The following BAG4 variants were observed in gnomAD, a reference collection of about 807,000 sequenced individuals.
BAG4 encodes BAG family molecular chaperone regulator 4.
A neutral mutation model predicts 52.1 loss-of-function variants in BAG4; 28 were observed. The ratio of observed to expected loss-of-function variants is 0.54; its 90% confidence interval spans 0.40 to 0.74. BAG4 has a LOEUF of 0.74. Ranked by LOEUF, BAG4 falls within the 30% of genes least tolerant of loss-of-function variation. The pLI, the probability that BAG4 is intolerant of heterozygous loss-of-function variation, is 0.00. For missense variants in BAG4, 525 were observed against 572.0 expected, an observed-to-expected ratio of 0.92 and a Z score of 0.84; for synonymous variants, 208 against 217.0, an observed-to-expected ratio of 0.96 and a Z score of 0.37.
Position 38,210,370 on chromosome 8 carries a change from C to T in BAG4, c.1251C>T (p.Thr417=). The T allele has an allele frequency of 1.2e-6, 2 of 1,614,068 alleles. No individual in the cohort carries two copies. Among genetic ancestry groups the T allele is most frequent in the Non-Finnish European group, 1.7e-6 (2 of 1,180,012 alleles). The change falls in exon 5 of 5, where the codon ACC becomes ACT. Residue 417 remains threonine, a synonymous_variant. Coordinates refer to ENST00000287322, the MANE Select transcript of BAG4 (RefSeq NM_004874.4). ...ACTGGCTTCTGGAAGAAATGCTAAC[C>T]AAGGAACTTTTGGAACTGGATTCAG... is the stretch of plus-strand genomic sequence containing the variant. ...KAYWLLEEML[T]KELLELDSVE...
In BAG4 at chr8:38,179,778, T is replaced by G. The variant is rs143295559; in HGVS notation, c.270+2639T>G. Among the ~76,000 whole-genome samples the G allele has an allele frequency of 1.2e-4, 18 of 150,254 alleles. No individual in the cohort carries two copies. The South Asian group carries it at 1.5e-3, about 12-fold the overall frequency. ...CGAAACTCCATCTCAAAAAAAAAAA[T>G]AAAGAAAGAAAGATCCATATTTTCT... is the stretch of plus-strand genomic sequence containing the variant. On this transcript the variant is annotated intron_variant, in intron 1 of 4. Coordinates refer to ENST00000287322, the MANE Select transcript of BAG4 (RefSeq NM_004874.4).
intron 1 of BAG4, among the ~76,000 whole-genome samples, chr8:38,186,486 T>G (rs532783993): frequency 1.3e-5 from 2 of 152,128 alleles, no homozygotes; most frequent in South Asian, 2.1e-4. Context: ...TCAAAAAAAC[T>G]GCGGAGGTTG....
chr8:38,196,834 T>G (rs541387086), intron 2 of BAG4, among the ~76,000 whole-genome samples: 2 of 152,262 alleles, frequency 1.3e-5, no homozygotes, highest in Non-Finnish European at 2.9e-5. Flanking sequence ...CCCAGCACTT[T>G]GGGAGGCCAA....
intron 2 of BAG4, among the ~76,000 whole-genome samples, chr8:38,194,409 C>CTTTTTTTTTT (rs750931003): frequency 1.3e-5 from 1 of 78,618 alleles, no homozygotes; most frequent in Non-Finnish European, 2.4e-5. Context: ...TAGGTGTGTA[C>CTTTTTTTTTT]TTTTTTTTTT....
At chr8:38,178,085 A>G (rs1803196878) in intron 1 of BAG4, among the ~76,000 whole-genome samples, 1 of 152,186 alleles carries the variant, frequency 6.6e-6, no homozygotes, top group African/African-American at 2.4e-5. Flanking sequence ...ACGTATGTTC[A>G]CATAAAGCTT....
At chr8:38,192,899 C>G (rs1324126253) in intron 2 of BAG4, 104 bp downstream of exon 2, 22 of 815,360 alleles carry the variant, frequency 2.7e-5, no homozygotes, top group Non-Finnish European at 3.5e-5. Flanking sequence ...TGTTTTTTTT[C>G]TTTGCTTTAA....
chr8:38,193,945 G>C (rs888741364), intron 2 of BAG4, among the ~76,000 whole-genome samples: 4 of 152,134 alleles, frequency 2.6e-5, no homozygotes, highest in Non-Finnish European at 5.9e-5. Context: ...CACCATGTTG[G>C]CCAGTATGGT....
Position 38,210,075 on chromosome 8 carries a change from A to C in BAG4, c.956A>C (p.His319Pro). The C allele has an allele frequency of 6.2e-7, 1 of 1,614,202 alleles. No homozygotes were observed. The highest frequency in any genetic ancestry group is 8.5e-7 in the Non-Finnish European group (1 of 1,180,042). ...CGGCACAACTTTCCTTGCAGTGTCC[A>C]TCAGTACGAATCCTCGGGGACAGTG... ...MNRHNFPCSVHQYESSGTVNN... is the reference protein window; with the variant it reads ...MNRHNFPCSVPQYESSGTVNN... Residue 319 changes from histidine (H) to proline (P), a missense_variant, in exon 5 of 5, where the codon CAT becomes CCT. By Grantham distance (77) the His-to-Pro change is moderately conservative. Coordinates refer to ENST00000287322, the MANE Select transcript of BAG4 (RefSeq NM_004874.4).
At chr8:38,184,327 TGTG>T (rs1803325793) in intron 1 of BAG4, among the ~76,000 whole-genome samples, 1 of 151,564 alleles carries the variant, frequency 6.6e-6, no homozygotes, top group Admixed American at 6.6e-5. Flanking sequence ...ATTAGCCAAA[TGTG>T]GTGGTGGGCC....
chr8:38,192,680 T>C lies in BAG4; in HGVS notation c.271-8T>C, dbSNP rs772816019. The C allele has an allele frequency of 4.9e-5, 78 of 1,592,912 alleles. No homozygotes were observed. The highest frequency in any genetic ancestry group is 6.6e-5 in the Non-Finnish European group (77 of 1,169,946). ...TTAAGAGTGAATTTATTTTTCTTTT[T>C]TTCTTAGGAGCAGCCACCATATCCT... is the stretch of plus-strand genomic sequence containing the variant. On this transcript the variant is annotated splice_polypyrimidine_tract_variant and splice_region_variant and intron_variant, in intron 1 of 4. Transcript: ENST00000287322.
chr8:38,188,705 A>G (rs1203441105), intron 1 of BAG4, among the ~76,000 whole-genome samples: 12 of 115,010 alleles, frequency 1.0e-4, no homozygotes, highest in South Asian at 2.9e-4. Flanking sequence ...ATACATATAT[A>G]TGTATATATA....
At chr8:38,209,440 CTTTATA>C (rs972152440) in intron 4 of BAG4, 173 bp downstream of exon 4, 13 of 751,676 alleles carry the variant, frequency 1.7e-5, no homozygotes, top group East Asian at 1.2e-4. Flanking sequence ...TTTTAATAGA[CTTTATA>C]TTTAGAGAAG....
In BAG4 at chr8:38,207,031, C is replaced by T. The variant is rs573983669; in HGVS notation, c.379-481C>T. ...GCGATGGCACGATCTTGGCTCACTG[C>T]AACCTCCGCCTCCTGGGTTCAAGCG... On this transcript the variant is annotated intron_variant, in intron 2 of 4. Coordinates refer to ENST00000287322, the MANE Select transcript of BAG4 (RefSeq NM_004874.4). Among the ~76,000 whole-genome samples, 12 of 150,142 alleles carry T rather than the reference C, an allele frequency of 8.0e-5. 1 individual carries two copies. The East Asian group carries it at 2.4e-3, about 30-fold the overall frequency.
Position 38,207,583 on chromosome 8 carries a change from A to G in BAG4, c.450A>G (p.Ser150=). Residue 150 remains serine (S), a synonymous_variant, in exon 3 of 5, where the codon TCA becomes TCG. Transcript: ENST00000287322. ...YPPGPGANTA[S]YSGAYYAPGY... ...CAGGCCCTGGGGCAAATACTGCCTC[A>G]TACTCAGGGGCTTATTATGCACCTG... 6.2e-7 allele frequency: 1 copy of G among 1,613,918 alleles called. No homozygotes were observed. The highest frequency in any genetic ancestry group is 8.5e-7 in the Non-Finnish European group (1 of 1,179,840).
Position 38,210,061 on chromosome 8 carries a change from T to C in BAG4, c.942T>C (p.Phe314=), listed in dbSNP as rs757482419. 3 of 1,614,184 alleles carry C rather than the reference T, an allele frequency of 1.9e-6. No individual in the cohort carries two copies. The highest frequency in any genetic ancestry group is 1.7e-6 in the Non-Finnish European group (2 of 1,180,030). The change falls in exon 5 of 5, where the codon TTT becomes TTC. Residue 314 remains phenylalanine, a synonymous_variant. Transcript: ENST00000287322. ...QSDQSMNRHN[F]PCSVHQYESS... ...ATCAAAGCATGAACCGGCACAACTT[T>C]CCTTGCAGTGTCCATCAGTACGAAT...
In BAG4 at chr8:38,176,973, C is replaced by G. The variant is rs774560193; in HGVS notation, c.104C>G (p.Pro35Arg). The G allele has an allele frequency of 1.3e-6, 2 of 1,578,632 alleles. No homozygotes were observed. Among genetic ancestry groups the G allele is most frequent in the Admixed American group, 1.8e-5 (1 of 54,628 alleles). ...GGDVPVHPPP[P>R]LYPLRPEPPQ... The stretch of plus-strand genomic sequence containing the variant: ...GATGTGCCGGTACACCCACCTCCAC[C>G]CTTATATCCTCTTCGCCCTGAACCT... The change falls in exon 1 of 5, where the codon CCC becomes CGC. Residue 35 changes from proline to arginine, a missense_variant. Pro to Arg is a moderately radical substitution (Grantham distance 103). This residue lies in a region of BAG4 where 287 missense variants were observed against 266.1 expected (regional missense o/e 1.08). Transcript: ENST00000287322.
intron 1 of BAG4, among the ~76,000 whole-genome samples, chr8:38,184,408 G>A (rs181012263): frequency 6.6e-6 from 1 of 151,942 alleles, no homozygotes; most frequent in Non-Finnish European, 1.5e-5. Context: ...CCGAGGGTGT[G>A]GTGAGCTGTG....
intron 1 of BAG4, among the ~76,000 whole-genome samples, chr8:38,185,108 A>T (rs990578979): frequency 6.7e-6 from 1 of 149,332 alleles, no homozygotes; most frequent in African/African-American, 2.5e-5. Context: ...AAAAAAAAAT[A>T]GAATGCTGTG....
At chr8:38,209,918 G>A in intron 4 of BAG4, 90 bp from the exon 5 acceptor site, 1 of 1,487,774 alleles carries the variant, frequency 6.7e-7, no homozygotes, top group Non-Finnish European at 9.1e-7. Flanking sequence ...GTACCTTTCT[G>A]GTCAAGTGAA....
Sources: gnomAD v4.1 joint callset for allele counts (sites outside exome capture counted in the v4.1 genomes callset) on GRCh38, gnomAD v4.1.1 for gene constraint, gnomAD v4.1.1 regional missense constraint, MANE v1.5 for transcripts, NCBI Gene and HGNC (gene_info 2026-07-23, HGNC 2026-07-21) for gene names.